Variants in CCSER1 observed in about 807,000 individuals in gnomAD.
The protein encoded by CCSER1 is coiled-coil serine rich protein 1, also known as serine-rich coiled-coil domain-containing protein 1.
A neutral mutation model predicts 82.0 loss-of-function variants in CCSER1; 41 were observed. That is an observed-to-expected ratio of 0.50 (90% confidence interval 0.39 to 0.65). The LOEUF (loss-of-function observed/expected upper bound fraction) is 0.65. CCSER1 is among the 30% of genes least tolerant of loss of function. The pLI is 0.00. For missense variants in CCSER1, 1,119 were observed against 1,064.2 expected (o/e 1.05, Z -0.72); for synonymous variants, 414 against 383.9 (o/e 1.08, Z -0.92).
chr4:90,416,055 T>C (rs1578368189), intron 4 of CCSER1, among the ~76,000 whole-genome samples: 3 of 152,238 alleles, frequency 2.0e-5, no homozygotes, highest in East Asian at 1.9e-4. Flanking sequence ...ATACAAACTT[T>C]CAGTTGTAAG....
intron 1 of CCSER1, among the ~76,000 whole-genome samples, chr4:90,164,917 C>G (rs956870359): frequency 6.6e-6 from 1 of 152,002 alleles, no homozygotes; most frequent in African/African-American, 2.4e-5. Flanking sequence ...TGATAGCATA[C>G]AGAAATGGGC....
At chr4:90,218,365 T>G (rs1016255720) in intron 1 of CCSER1, among the ~76,000 whole-genome samples, 1 of 152,160 alleles carries the variant, frequency 6.6e-6, no homozygotes, top group Non-Finnish European at 1.5e-5. Flanking sequence ...GAGTACTATG[T>G]TCAGCATATG....
chr4:90,868,270 T>C (rs1765991290), intron 8 of CCSER1, among the ~76,000 whole-genome samples: 1 of 152,064 alleles, frequency 6.6e-6, no homozygotes, highest in Non-Finnish European at 1.5e-5. Context: ...CCCTGTTATG[T>C]CATCAAACAC....
chr4:90,933,619 G>A (rs558337441), intron 9 of CCSER1, among the ~76,000 whole-genome samples: 1 of 151,608 alleles, frequency 6.6e-6, no homozygotes, highest in African/African-American at 2.4e-5. Context: ...AAACTAAAAA[G>A]AATTTATGTA....
chr4:91,438,153 G>T (rs1754809323), intron 10 of CCSER1, among the ~76,000 whole-genome samples: 1 of 152,240 alleles, frequency 6.6e-6, no homozygotes, highest in Non-Finnish European at 1.5e-5. Flanking sequence ...CACAGCCGGA[G>T]ATCTGAGAAT....
intron 7 of CCSER1, among the ~76,000 whole-genome samples, chr4:90,790,293 C>G (rs1755061225): frequency 6.6e-6 from 1 of 151,960 alleles, no homozygotes; most frequent in Non-Finnish European, 1.5e-5. Context: ...TATAATTTTC[C>G]ATGATTAAAA....
intron 10 of CCSER1, among the ~76,000 whole-genome samples, chr4:91,564,174 T>TTGCTAGGTCA (rs1762780297): frequency 6.6e-6 from 1 of 151,978 alleles, no homozygotes; most frequent in African/African-American, 2.4e-5. Context: ...TTGCTAAGGA[T>TTGCTAGGTCA]AATTGTCTCC....
intron 4 of CCSER1, among the ~76,000 whole-genome samples, chr4:90,462,951 C>T (rs1256349279): frequency 6.6e-6 from 1 of 152,048 alleles, no homozygotes; most frequent in Non-Finnish European, 1.5e-5. Flanking sequence ...AGTCAATAGA[C>T]TTATAACCAT....
intron 3 of CCSER1, among the ~76,000 whole-genome samples, chr4:90,355,881 G>T (rs897027601): frequency 4.0e-5 from 6 of 151,816 alleles, no homozygotes; most frequent in Admixed American, 1.3e-4. Context: ...GTAAATTATT[G>T]TAAATATAAA....
chr4:90,391,504 A>AATATATATATATATATATAT (rs70963065), intron 3 of CCSER1, among the ~76,000 whole-genome samples: 65 of 79,414 alleles, frequency 8.2e-4, no homozygotes, highest in African/African-American at 1.2e-3. Flanking sequence ...ACAGTGGGTA[A>AATATATATATATATATATAT]ATATATATAT....
chr4:90,543,421 G>A (rs921610405), intron 5 of CCSER1, among the ~76,000 whole-genome samples: 1 of 152,170 alleles, frequency 6.6e-6, no homozygotes, highest in Non-Finnish European at 1.5e-5. Flanking sequence ...CTAGCTTGTA[G>A]TCATAAATGT....
intron 7 of CCSER1, among the ~76,000 whole-genome samples, chr4:90,796,659 T>A (rs796561667): frequency 5.9e-5 from 9 of 152,262 alleles, no homozygotes; most frequent in African/African-American, 2.2e-4. Flanking sequence ...CTTATCTGTG[T>A]CCCAGGGATT....
intron 9 of CCSER1, among the ~76,000 whole-genome samples, chr4:91,081,544 T>G (rs1323093043): frequency 6.6e-6 from 1 of 152,102 alleles, no homozygotes; most frequent in African/African-American, 2.4e-5. Flanking sequence ...TTCAACATAG[T>G]GTTGGAAGTT....
intron 9 of CCSER1, among the ~76,000 whole-genome samples, chr4:90,963,451 A>G (rs925932611): frequency 1.3e-5 from 2 of 152,112 alleles, no homozygotes; most frequent in African/African-American, 2.4e-5. Flanking sequence ...CCCAAAATTC[A>G]TATTTGAAGT....
intron 10 of CCSER1, among the ~76,000 whole-genome samples, chr4:91,440,289 C>T (rs550002837): frequency 1.3e-5 from 2 of 152,160 alleles, no homozygotes; most frequent in South Asian, 4.2e-4. Flanking sequence ...TGCAATCAAA[C>T]TAGAACTGAG....
chr4:90,388,412 C>T (rs528623682), intron 3 of CCSER1, among the ~76,000 whole-genome samples: 6 of 151,384 alleles, frequency 4.0e-5, no homozygotes, highest in Non-Finnish European at 5.9e-5. Flanking sequence ...TGGGTTCAAG[C>T]GATTCTCCTG....
chr4:90,493,658 C>T (rs1250063572), intron 5 of CCSER1, among the ~76,000 whole-genome samples: 2 of 152,070 alleles, frequency 1.3e-5, no homozygotes, highest in Admixed American at 6.6e-5. Context: ...TCATATCCAG[C>T]CAAACTAAGC....
chr4:91,153,062 G>A (rs183079550), intron 10 of CCSER1, among the ~76,000 whole-genome samples: 1 of 151,874 alleles, frequency 6.6e-6, no homozygotes, highest in Non-Finnish European at 1.5e-5. Flanking sequence ...TGGCCTGCTT[G>A]CTAATTTGGG....
chr4:91,053,700 C>T (rs1017191756), intron 9 of CCSER1, among the ~76,000 whole-genome samples: 10 of 152,162 alleles, frequency 6.6e-5, no homozygotes, highest in South Asian at 4.1e-4. Context: ...GGAAACATCC[C>T]GAACTATTCT....
Sources: allele counts gnomAD v4.1 joint callset (sites outside exome capture counted in the v4.1 genomes callset), GRCh38; gene constraint gnomAD v4.1.1; transcripts MANE v1.5; gene names NCBI Gene and HGNC (gene_info 2026-07-23, HGNC 2026-07-21).